Variants in RHOA observed in about 807,000 individuals in gnomAD.
RHOA encodes ras homolog family member A, also known as transforming protein RhoA.
Under a neutral mutation model 17.5 loss-of-function variants are expected in RHOA, and 3 were observed. That is an observed-to-expected ratio of 0.17 (90% confidence interval 0.08 to 0.44). The LOEUF (loss-of-function observed/expected upper bound fraction) is 0.44. Ranked by LOEUF, RHOA falls within the 20% of genes least tolerant of loss-of-function variation. The pLI, the probability that RHOA is intolerant of heterozygous loss-of-function variation, is 0.99. For missense variants in RHOA, 56 were observed against 242.3 expected (o/e 0.23, Z 5.10); for synonymous variants, 98 against 88.4 (o/e 1.11, Z -0.61).
At chr3:49,365,141 A>T (rs1309254853) in intron 3 of RHOA, 1 of 150,670 alleles carries the variant, frequency 6.6e-6, no homozygotes, top group South Asian at 2.1e-4. Context: ...TCTAGAACAG[A>T]AGTTTTTTTT....
intron 1 of RHOA, among the ~76,000 whole-genome samples, chr3:49,380,569 G>A (rs1026733995): frequency 1.3e-5 from 2 of 151,634 alleles, no homozygotes; most frequent in Non-Finnish European, 2.9e-5. Flanking sequence ...CCCAGGCGTG[G>A]TGGGGTGAGG....
At chr3:49,365,272 A>G (rs2048037208) in intron 3 of RHOA, 1 of 151,348 alleles carries the variant, frequency 6.6e-6, no homozygotes, top group African/African-American at 2.4e-5. Flanking sequence ...CCTCCCGAGT[A>G]GCTGGGATTA....
chr3:49,384,562 G>A (rs1191239846), intron 1 of RHOA, among the ~76,000 whole-genome samples: 1 of 151,484 alleles, frequency 6.6e-6, no homozygotes, highest in Non-Finnish European at 1.5e-5. Flanking sequence ...GCTGGAGTGA[G>A]GTGGTGTTAT....
In RHOA at chr3:49,368,465, T is replaced by A. The variant is rs2107838464; in HGVS notation, c.240A>T (p.Ile80=). The change falls in exon 3 of 5, where the codon ATA becomes ATT. Residue 80 remains isoleucine, a synonymous_variant. Transcript: ENST00000418115. ...GGCTGTCGATGGAAAAACACATCAG[T>A]ATAACATCGGTATCTGGGTAGGAGA... ...RPLSYPDTDV[I]LMCFSIDSPD... is the part of the protein sequence containing the mutation. 3 of 1,614,054 alleles carry A rather than the reference T, an allele frequency of 1.9e-6. No individual in the cohort carries two copies. The highest frequency in any genetic ancestry group is 2.5e-6 in the Non-Finnish European group (3 of 1,179,996).
chr3:49,408,398 G>T (rs756017840), intron 1 of RHOA, among the ~76,000 whole-genome samples: 3 of 152,102 alleles, frequency 2.0e-5, no homozygotes, highest in African/African-American at 7.2e-5. Flanking sequence ...TTGCAATTTA[G>T]CAAGAGTATT....
At chr3:49,394,242 G>A (rs755578936) in intron 1 of RHOA, among the ~76,000 whole-genome samples, 4 of 151,872 alleles carry the variant, frequency 2.6e-5, no homozygotes, top group Non-Finnish European at 2.9e-5. Flanking sequence ...CTGACCTCGC[G>A]ATCTGCCTGC....
intron 1 of RHOA, among the ~76,000 whole-genome samples, chr3:49,406,540 G>A (rs1220151438): frequency 6.6e-6 from 1 of 152,174 alleles, no homozygotes; most frequent in Non-Finnish European, 1.5e-5. Flanking sequence ...AAGCTGAGGC[G>A]GGTGGATTGC....
chr3:49,366,774 G>C (rs2048063218), intron 3 of RHOA: 1 of 152,094 alleles, frequency 6.6e-6, no homozygotes, highest in African/African-American at 2.4e-5. Context: ...AGCAACCCCA[G>C]TTATCATCAT....
At chr3:49,404,560 C>A (rs1262913557) in intron 1 of RHOA, among the ~76,000 whole-genome samples, 1 of 129,194 alleles carries the variant, frequency 7.7e-6, no homozygotes, top group Admixed American at 9.8e-5. Flanking sequence ...TGCAGTGAGC[C>A]GAGATTGTGC....
At chr3:49,404,458 A>ACACACAC (rs10527314) in intron 1 of RHOA, among the ~76,000 whole-genome samples, 4 of 146,780 alleles carry the variant, frequency 2.7e-5, no homozygotes, top group Admixed American at 2.1e-4. Flanking sequence ...ACACACACAC[A>ACACACAC]AAATTAGCCG....
chr3:49,403,644 G>A (rs2048764343), intron 1 of RHOA, among the ~76,000 whole-genome samples: 1 of 151,964 alleles, frequency 6.6e-6, no homozygotes. Context: ...GAGAATTCTT[G>A]GGCCTAGGAG....
intron 1 of RHOA, among the ~76,000 whole-genome samples, chr3:49,404,152 T>C (rs2048772608): frequency 7.6e-6 from 1 of 131,670 alleles, no homozygotes; most frequent in African/African-American, 2.7e-5. Context: ...TGTAAAAATA[T>C]TAGCTGGGCG....
intron 1 of RHOA, among the ~76,000 whole-genome samples, chr3:49,381,303 G>T (rs1446246169): frequency 6.6e-6 from 1 of 151,834 alleles, no homozygotes; most frequent in Non-Finnish European, 1.5e-5. Context: ...TACTCGAGAG[G>T]CTGAGGCAGG....
intron 1 of RHOA, among the ~76,000 whole-genome samples, chr3:49,405,507 G>T (rs2048818563): frequency 6.6e-6 from 1 of 152,096 alleles, no homozygotes; most frequent in African/African-American, 2.4e-5. Context: ...CTCTCTCACT[G>T]AAATCTCATG....
chr3:49,410,648 T>A (rs1427932935), intron 1 of RHOA, among the ~76,000 whole-genome samples: 1 of 152,208 alleles, frequency 6.6e-6, no homozygotes, highest in Admixed American at 6.5e-5. Context: ...TCTAGCCACA[T>A]CTAAGGTGAC....
At chr3:49,382,621 G>A (rs2048335694) in intron 1 of RHOA, among the ~76,000 whole-genome samples, 1 of 151,548 alleles carries the variant, frequency 6.6e-6, no homozygotes, top group African/African-American at 2.4e-5. Context: ...GAGTGACACA[G>A]TAAGACCCTG....
At chr3:49,407,797 T>C (rs990323216) in intron 1 of RHOA, among the ~76,000 whole-genome samples, 3 of 152,058 alleles carry the variant, frequency 2.0e-5, no homozygotes, top group Non-Finnish European at 1.5e-5. Flanking sequence ...TCACTCCACT[T>C]CAAACTTACT....
chr3:49,408,124 A>C (rs1376099911), intron 1 of RHOA, among the ~76,000 whole-genome samples: 1 of 151,430 alleles, frequency 6.6e-6, no homozygotes, highest in Non-Finnish European at 1.5e-5. Context: ...GCGCTACTGC[A>C]CTCTGGCCCG....
intron 1 of RHOA, among the ~76,000 whole-genome samples, chr3:49,410,897 C>G (rs2048921901): frequency 2.0e-5 from 3 of 152,186 alleles, no homozygotes; most frequent in Admixed American, 2.0e-4. Flanking sequence ...TTAAAAAACA[C>G]AAGTGGAACC....
Sources: gnomAD v4.1 joint callset for allele counts (sites outside exome capture counted in the v4.1 genomes callset) on GRCh38, gnomAD v4.1.1 for gene constraint, MANE v1.5 for transcripts, NCBI Gene and HGNC (gene_info 2026-07-23, HGNC 2026-07-21) for gene names.